Variants in DIAPH2 observed in about 807,000 individuals in gnomAD.
DIAPH2 encodes the protein protein diaphanous homolog 2.
DIAPH2 carries 35 observed loss-of-function variants against 92.7 expected under a neutral mutation model. The ratio of observed to expected loss-of-function variants is 0.38; its 90% CI spans 0.29 to 0.50. The LOEUF is 0.50. Ranked by LOEUF, DIAPH2 falls within the 20% of genes least tolerant of loss-of-function variation. DIAPH2 has a pLI of 0.94. For synonymous variants in DIAPH2, 301 were observed against 280.4 expected (o/e 1.07, Z -0.73); for missense variants, 701 against 819.5 (o/e 0.86, Z 1.77).
chrX:96,977,828 T>C (rs2065971828), intron 17 of DIAPH2, among the ~76,000 whole-genome samples: 1 of 110,924 alleles, frequency 9.0e-6, no homozygotes, highest in African/African-American at 3.3e-5. Context: ...GGATTATAGG[T>C]GCACACCACC....
chrX:96,905,986 G>A (rs1436659993), intron 5 of DIAPH2, among the ~76,000 whole-genome samples: 1 of 111,993 alleles, frequency 8.9e-6, no homozygotes, highest in African/African-American at 3.2e-5. Context: ...AAAATTAGCC[G>A]GGTGTGGCGG....
intron 26 of DIAPH2, among the ~76,000 whole-genome samples, chrX:97,561,130 T>C (rs2071291516): frequency 8.9e-6 from 1 of 112,390 alleles, no homozygotes; most frequent in Admixed American, 9.4e-5. Flanking sequence ...GCATCTGCCG[T>C]ATTTAATGAT....
chrX:97,175,214 G>A (rs756376204), intron 22 of DIAPH2, among the ~76,000 whole-genome samples: 2 of 111,200 alleles, frequency 1.8e-5, no homozygotes, highest in South Asian at 3.8e-4. Flanking sequence ...CTTTTATAGC[G>A]TTATGGTCTC....
At chrX:97,193,768 A>G (rs896140743) in intron 22 of DIAPH2, among the ~76,000 whole-genome samples, 24 of 112,259 alleles carry the variant, frequency 2.1e-4, no homozygotes, top group Non-Finnish European at 2.8e-4. Context: ...AAAATATTAT[A>G]TGACTCAAGG....
intron 23 of DIAPH2, among the ~76,000 whole-genome samples, chrX:97,308,837 G>T (rs1411121148): frequency 1.9e-5 from 2 of 105,140 alleles, no homozygotes; most frequent in Non-Finnish European, 3.9e-5. Flanking sequence ...TAGCCAGGAT[G>T]GATGAAACCC....
At chrX:97,068,531 C>T (rs190547556) in intron 17 of DIAPH2, among the ~76,000 whole-genome samples, 307 of 111,061 alleles carry the variant, frequency 2.8e-3, no homozygotes, top group African/African-American at 9.5e-3. Flanking sequence ...AAAGGTGATT[C>T]AGAATACAGT....
intron 1 of DIAPH2, chrX:96,701,410 C>G (rs749258812): frequency 9.0e-6 from 1 of 111,096 alleles, no homozygotes; most frequent in East Asian, 2.8e-4. Flanking sequence ...GCATACTGTG[C>G]TTGGTAGGGA....
chrX:96,978,404 A>G (rs1169913767), intron 17 of DIAPH2, among the ~76,000 whole-genome samples: 4 of 110,292 alleles, frequency 3.6e-5, no homozygotes, highest in Non-Finnish European at 7.6e-5. Context: ...TTTTAGAACA[A>G]TGCTTATCAT....
intron 1 of DIAPH2, among the ~76,000 whole-genome samples, chrX:96,705,334 G>A (rs1165193441): frequency 2.7e-5 from 3 of 111,301 alleles, no homozygotes; most frequent in Non-Finnish European, 5.6e-5. Flanking sequence ...GGGCTACATA[G>A]TGAGACCTCA....
intron 4 of DIAPH2, among the ~76,000 whole-genome samples, chrX:96,832,737 A>G (rs1285220237): frequency 8.9e-6 from 1 of 111,773 alleles, no homozygotes; most frequent in Non-Finnish European, 1.9e-5. Context: ...AGTTCCCTGA[A>G]AGTCTCCATT....
intron 26 of DIAPH2, among the ~76,000 whole-genome samples, chrX:97,568,458 T>G (rs1006805156): frequency 9.0e-6 from 1 of 111,424 alleles, no homozygotes; most frequent in African/African-American, 3.3e-5. Flanking sequence ...AGATATTAAC[T>G]CTGAGAAAGT....
At chrX:97,588,683 A>G (rs2071494657) in intron 26 of DIAPH2, among the ~76,000 whole-genome samples, 1 of 110,159 alleles carries the variant, frequency 9.1e-6, no homozygotes, top group South Asian at 3.9e-4. Flanking sequence ...GTGGACACAA[A>G]TTTATTCATG....
chrX:97,194,498 A>C (rs781623134), intron 22 of DIAPH2, among the ~76,000 whole-genome samples: 10 of 109,421 alleles, frequency 9.1e-5, no homozygotes, highest in Non-Finnish European at 1.1e-4. Flanking sequence ...GTTAGCCAGG[A>C]TGGTCTCGAT....
chrX:97,453,462 G>T (rs889353979), intron 26 of DIAPH2, among the ~76,000 whole-genome samples: 5 of 110,356 alleles, frequency 4.5e-5, no homozygotes, highest in African/African-American at 1.3e-4. Context: ...ATTAACTTGG[G>T]TCAAGTCAGT....
At chrX:96,831,946 T>C (rs1055245271) in intron 4 of DIAPH2, among the ~76,000 whole-genome samples, 6 of 111,470 alleles carry the variant, frequency 5.4e-5, no homozygotes, top group East Asian at 2.8e-4. Flanking sequence ...CCTCCACTTA[T>C]CACATTGCAT....
At chrX:97,242,283 G>A (rs1469015110) in intron 22 of DIAPH2, among the ~76,000 whole-genome samples, 3 of 111,084 alleles carry the variant, frequency 2.7e-5, no homozygotes, top group African/African-American at 6.5e-5. Flanking sequence ...AACATTGCTA[G>A]AAACAATTTC....
chrX:96,813,435 T>A (rs2064703200), intron 4 of DIAPH2, among the ~76,000 whole-genome samples: 1 of 110,641 alleles, frequency 9.0e-6, no homozygotes, highest in Non-Finnish European at 1.9e-5. Context: ...GTGAGATGGG[T>A]TTCCTGAATA....
intron 17 of DIAPH2, among the ~76,000 whole-genome samples, chrX:97,001,946 G>T (rs1308495034): frequency 9.1e-6 from 1 of 109,442 alleles, no homozygotes; most frequent in Non-Finnish European, 1.9e-5. Context: ...TTTTTTTCTT[G>T]AAAACAGAAT....
chrX:96,916,653 T>C, intron 8 of DIAPH2, 79 bp downstream of exon 8: 2 of 960,305 alleles, frequency 2.1e-6, no homozygotes, highest in Non-Finnish European at 2.8e-6. Flanking sequence ...TTTGTTCTCT[T>C]TCTTTGGATA....
Sources: gnomAD v4.1 joint callset for allele counts (sites outside exome capture counted in the v4.1 genomes callset) on GRCh38, gnomAD v4.1.1 for gene constraint, MANE v1.5 for transcripts, NCBI Gene and HGNC (gene_info 2026-07-23, HGNC 2026-07-21) for gene names.